The following INPP5B variants were observed in gnomAD, a reference collection of about 807,000 sequenced individuals.
The protein encoded by INPP5B is inositol polyphosphate-5-phosphatase B.
In INPP5B, 90 loss-of-function variants were observed where a neutral mutation model predicts 118.5. That is an observed-to-expected ratio of 0.76 (90% CI 0.64 to 0.90). INPP5B has a LOEUF of 0.90. Ranked by LOEUF, INPP5B falls within the 40% of genes least tolerant of loss-of-function variation. INPP5B has a pLI of 0.00. For synonymous variants in INPP5B, 385 were observed against 418.9 expected, an observed-to-expected ratio of 0.92 and a Z score of 0.99; for missense variants, 984 against 1,125.6, an observed-to-expected ratio of 0.87 and a Z score of 1.80.
chr1:37,933,719 CAATAAATAAATAAATAAATA>C (rs148542689), intron 6 of INPP5B, among the ~76,000 whole-genome samples: 8 of 138,564 alleles, frequency 5.8e-5, no homozygotes, highest in Non-Finnish European at 7.7e-5. Flanking sequence ...GACTCTGTCT[CAATAAATAAATAAATAAATA>C]AATAAATAAA....
chr1:37,935,808 T>G (rs1303442754), intron 6 of INPP5B, among the ~76,000 whole-genome samples: 1 of 152,132 alleles, frequency 6.6e-6, no homozygotes, highest in Non-Finnish European at 1.5e-5. Flanking sequence ...GGCTCACGCC[T>G]GTAATCCCAG....
At position 37,863,689 on chromosome 1, in the gene INPP5B, G is replaced by A. The variant is rs550736902; in HGVS notation, c.2626+623C>T. Among the ~76,000 whole-genome samples, 1,066 of 148,546 alleles carry A rather than the reference G, an allele frequency of 7.2e-3. 6 individuals are homozygous for A. Among genetic ancestry groups the A allele is most frequent in the Non-Finnish European group, 0.012 (775 of 66,928 alleles). On this transcript the variant is annotated intron_variant, in intron 23 of 23. Coordinates refer to ENST00000373024, the MANE Select transcript of INPP5B (RefSeq NM_005540.3). The stretch of plus-strand genomic sequence containing the variant: ...GGGTGACAGAGTGAGACTTTCTCAA[G>A]CACACACACACACACACATGCACAC...
Position 37,862,283 on chromosome 1 carries a change from C to T in INPP5B, c.*32G>A. On this transcript the variant is annotated 3_prime_UTR_variant, in exon 24 of 24. Transcript: ENST00000373024. ...TGAAACAGGTGGGGCTGGTAATTGG[C>T]AGCCTCAAGTAAAATAGGAGGAGAG... 1 of 1,425,158 alleles carries T rather than the reference C, an allele frequency of 7.0e-7. No homozygotes were observed. Among genetic ancestry groups the T allele is most frequent in the Non-Finnish European group, 9.9e-7 (1 of 1,008,810 alleles). The allele number at this position is 1,425,158 out of a possible 1,614,324, so 88.3% of individuals were successfully genotyped here.
rs34018622 is a variant in INPP5B at position 37,900,073 on chromosome 1, A to ATTT, written c.533-8622_533-8620dup. On this transcript the variant is annotated intron_variant, in intron 7 of 23. Transcript: ENST00000373024. Reference sequence around the variant, plus strand: ...CCACAGATCTCCATGTTTACCTTGAATTTTTTTTTTTTTTTTTTTTTTGAG... The same window carrying ATTT: ...CCACAGATCTCCATGTTTACCTTGAATTTTTTTTTTTTTTTTTTTTTTTTTGAG... 5.1e-4 allele frequency among the ~76,000 whole-genome samples: 59 copies of ATTT among 114,606 alleles called. 1 individual carries two copies. The highest frequency in any genetic ancestry group is 1.0e-3 in the African/African-American group (29 of 27,880). 75.2% of individuals were successfully genotyped at this position (114,606 alleles called of 152,430 possible). A position where few individuals can be genotyped will look rare whatever the true frequency, so the allele number is the denominator to read the frequency against.
intron 17 of INPP5B, 67 bp from the exon 18 acceptor site, chr1:37,874,222 A>G (rs1417810102): frequency 1.3e-5 from 16 of 1,211,766 alleles, no homozygotes; most frequent in African/African-American, 4.5e-5. Flanking sequence ...AGCCACCCCA[A>G]CTGGGCAGTC....
intron 7 of INPP5B, among the ~76,000 whole-genome samples, chr1:37,918,909 ATAGT>A (rs1378393985): frequency 6.6e-6 from 1 of 152,182 alleles, no homozygotes; most frequent in Non-Finnish European, 1.5e-5. Flanking sequence ...AGTACCTCTC[ATAGT>A]TAGGTAATAC....
Position 37,945,770 on chromosome 1 carries a change from G to C in INPP5B, c.138C>G (p.Gly46=). ...LGLVRYRLEH[G]GQEHALFLYT... ...CCCTCACTCACGCGTGTTCCTGGCC[G>C]CCGTGCTCCAGGCGGTAGCGCACGA... Residue 46 remains glycine, a synonymous_variant, in exon 3 of 24, where the codon GGC becomes GGG. Coordinates refer to ENST00000373024, the MANE Select transcript of INPP5B (RefSeq NM_005540.3). 2 of 1,613,686 alleles carry C rather than the reference G, an allele frequency of 1.2e-6. No homozygotes were observed. Among genetic ancestry groups the C allele is most frequent in the Non-Finnish European group, 8.5e-7 (1 of 1,179,710 alleles).
rs1037616987 is a variant in INPP5B, at chr1:37,907,086, A to G, written c.533-15632T>C. On this transcript the variant is annotated intron_variant, in intron 7 of 23. Transcript: ENST00000373024. The surrounding 1 kb of genome is among the most constrained non-coding windows in gnomAD (Gnocchi z 4.3). ...TATATTGGAATCAGCTAGCAATCCC[A>G]TATCAGCTTGGTTCCAACAGTTGCC... Among the ~76,000 whole-genome samples, 14 of 152,168 alleles carry G rather than the reference A, an allele frequency of 9.2e-5. No individual in the cohort carries two copies. Among genetic ancestry groups the G allele is most frequent in the Non-Finnish European group, 1.5e-4 (10 of 68,040 alleles).
At position 37,932,055 on chromosome 1, in the gene INPP5B, T is replaced by G. The variant is rs1418458022; in HGVS notation, c.392-2A>C. 1 of 1,587,460 alleles carries G rather than the reference T, an allele frequency of 6.3e-7. No individual in the cohort carries two copies. Among genetic ancestry groups the G allele is most frequent in the African/African-American group, 1.3e-5 (1 of 74,106 alleles). ...GATCCCGGGTCGCAGAATCGAAGCC[T>G]GTGCAGGAACAAATGGGGGCAGACT... On this transcript the variant is annotated splice_acceptor_variant, in intron 6 of 23. Transcript: ENST00000373024. LOFTEE classifies it high-confidence loss of function.
At chr1:37,882,274 C>T (rs928569838) in intron 14 of INPP5B, among the ~76,000 whole-genome samples, 1 of 152,142 alleles carries the variant, frequency 6.6e-6, no homozygotes, top group Non-Finnish European at 1.5e-5. Context: ...CACAGGGAAA[C>T]AGATTCTCTT....
intron 7 of INPP5B, among the ~76,000 whole-genome samples, chr1:37,916,125 G>A (rs1438054130): frequency 2.6e-5 from 4 of 151,056 alleles, no homozygotes; most frequent in African/African-American, 9.7e-5. Flanking sequence ...ATGGAGTCTC[G>A]CTCTGTCACC....
intron 12 of INPP5B, among the ~76,000 whole-genome samples, chr1:37,886,181 A>G (rs942573760): frequency 1.3e-5 from 2 of 151,546 alleles, no homozygotes; most frequent in African/African-American, 4.9e-5. Flanking sequence ...CATCTCAAAA[A>G]CAAACAAACA....
At chr1:37,879,357 T>C (rs1461508818) in intron 15 of INPP5B, among the ~76,000 whole-genome samples, 1 of 151,866 alleles carries the variant, frequency 6.6e-6, no homozygotes, top group Non-Finnish European at 1.5e-5. Context: ...CTTGTCTGCT[T>C]GGGGGCCTCT....
In INPP5B at chr1:37,862,164, A is replaced by G. The variant is rs1641736850; in HGVS notation, c.*151T>C. 6.5e-6 allele frequency: 4 copies of G among 613,774 alleles called. No individual in the cohort carries two copies. Among genetic ancestry groups the G allele is most frequent in the African/African-American group, 1.8e-5 (1 of 54,162 alleles). The allele number at this position is 613,774 out of a possible 1,614,324, so 38.0% of individuals were successfully genotyped here. Reference sequence around the variant, plus strand: ...CTCACAGCGCTGAGTGTGCTAACCAATGGTGGGCTTAATTGGGGTACTAGG... The same window carrying G: ...CTCACAGCGCTGAGTGTGCTAACCAGTGGTGGGCTTAATTGGGGTACTAGG... On this transcript the variant is annotated 3_prime_UTR_variant, in exon 24 of 24. Coordinates refer to ENST00000373024, the MANE Select transcript of INPP5B (RefSeq NM_005540.3).
chr1:37,913,944 TG>T, intron 7 of INPP5B, among the ~76,000 whole-genome samples: 1 of 152,238 alleles, frequency 6.6e-6, no homozygotes, highest in South Asian at 2.1e-4. Context: ...CCACCCTAAC[TG>T]ATAGGATATA....
rs199551269 is a variant in INPP5B, at chr1:37,931,751, C to G, written c.532+162G>C. 4.5e-3 allele frequency: 7,264 copies of G among 1,600,240 alleles called. 28 individuals are homozygous for G. Among genetic ancestry groups the G allele is most frequent in the Non-Finnish European group, 5.3e-3 (6,196 of 1,178,186 alleles). On this transcript the variant is annotated intron_variant, in intron 7 of 23. Coordinates refer to ENST00000373024, the MANE Select transcript of INPP5B (RefSeq NM_005540.3). ...TCCTCAAGCTCCTCATCCCGCCGCC[C>G]GTCCCGCGCGCTCCGCCCCCAGACG...
chr1:37,912,202 T>G (rs1481734893), intron 7 of INPP5B, among the ~76,000 whole-genome samples: 1 of 152,052 alleles, frequency 6.6e-6, no homozygotes, highest in Admixed American at 6.6e-5. Flanking sequence ...CCCCTCAAAC[T>G]CTACAACCTC....
intron 7 of INPP5B, among the ~76,000 whole-genome samples, chr1:37,922,765 C>A (rs540768789): frequency 6.6e-6 from 1 of 152,338 alleles, no homozygotes; most frequent in South Asian, 2.1e-4. Flanking sequence ...TCATGCCAAG[C>A]AAACCTGTAA....
At chr1:37,925,533 G>A (rs976247018) in intron 7 of INPP5B, among the ~76,000 whole-genome samples, 3 of 152,104 alleles carry the variant, frequency 2.0e-5, no homozygotes, top group Non-Finnish European at 2.9e-5. Flanking sequence ...CCACTGTGCC[G>A]GGCTAACAGT....
Sources: gnomAD v4.1 joint callset for allele counts (sites outside exome capture counted in the v4.1 genomes callset) on GRCh38, gnomAD v4.1.1 for gene constraint, Gnocchi (gnomAD v3.1) non-coding constraint, MANE v1.5 for transcripts, NCBI Gene and HGNC (gene_info 2026-07-23, HGNC 2026-07-21) for gene names.